The following STATH variants were observed in gnomAD, a reference collection of about 807,000 sequenced individuals.
STATH encodes the protein statherin.
In STATH, 11 loss-of-function variants were observed where a neutral mutation model predicts 13.3. The observed-to-expected ratio is 0.83, with a 90% CI of 0.52 to 1.37. STATH has a LOEUF of 1.37. Among genes scored for constraint, STATH ranks in the 40% most tolerant of loss-of-function variants. The pLI is 0.00. For synonymous variants in STATH, 25 were observed against 23.6 expected, an observed-to-expected ratio of 1.06 and a Z score of -0.17; for missense variants, 78 against 73.3, an observed-to-expected ratio of 1.06 and a Z score of -0.24.
At chr4:69,999,744 G>T in intron 3 of STATH, 36 bp from the exon 4 acceptor site, 1 of 1,611,450 alleles carries the variant, frequency 6.2e-7, no homozygotes, top group Non-Finnish European at 8.5e-7. Flanking sequence ...CCCTACATTT[G>T]TATTGAATTA....
chr4:69,999,482 A>G (rs752115147), intron 2 of STATH, among the ~76,000 whole-genome samples, 185 bp from the exon 3 acceptor site: 3 of 151,920 alleles, frequency 2.0e-5, no homozygotes, highest in Non-Finnish European at 4.4e-5. Flanking sequence ...CACACTAATT[A>G]CAGAAAAGCA....
intron 4 of STATH, chr4:70,000,263 A>G (rs1217161678): frequency 6.1e-6 from 1 of 164,522 alleles, no homozygotes; most frequent in African/African-American, 2.4e-5. Flanking sequence ...CATTTTTCTT[A>G]ATGTATGTAT....
Position 70,000,421 on chromosome 4 carries a change from A to G in STATH, c.103-442A>G, listed in dbSNP as rs575724569. On this transcript the variant is annotated intron_variant, in intron 4 of 5. Coordinates refer to ENST00000246895, the MANE Select transcript of STATH (RefSeq NM_003154.3). The stretch of plus-strand genomic sequence containing the variant: ...GATGGTTATTTGTGTTAACAGAAGG[A>G]AGAAGTATTAAGGAATGTAGGAATC... 3.7e-5 allele frequency: 6 copies of G among 162,944 alleles called. No individual in the cohort carries two copies. The South Asian group carries it at 8.1e-4, about 22-fold the overall frequency. The allele number at this position is 162,944 out of a possible 1,614,324, so 10.1% of individuals were successfully genotyped here. A position where few individuals can be genotyped will look rare whatever the true frequency, so the allele number is the denominator to read the frequency against.
rs1560413551 is a variant in STATH at position 69,998,410 on chromosome 4, CAT to C, written c.-15-10_-15-9del. On this transcript the variant is annotated splice_polypyrimidine_tract_variant and intron_variant, in intron 1 of 5. Transcript: ENST00000246895. The stretch of plus-strand genomic sequence containing the variant: ...GAAAAAATGTGATACTGAATTTCCA[CAT>C]ATGTTTTCAGAGAACCCAGCCAACT... 3.7e-6 allele frequency: 6 copies of C among 1,605,158 alleles called. No individual in the cohort carries two copies. In the East Asian group the frequency reaches 8.9e-5, roughly 24 times the overall value.
intron 5 of STATH, 61 bp downstream of exon 5, chr4:70,001,043 G>A: frequency 5.7e-6 from 7 of 1,222,958 alleles, no homozygotes; most frequent in Admixed American, 3.6e-5. Context: ...GTTAAAAGAA[G>A]AAAAACAAAA....
intron 4 of STATH, 29 bp downstream of exon 4, chr4:69,999,838 T>G: frequency 6.2e-7 from 1 of 1,609,392 alleles, no homozygotes; most frequent in Non-Finnish European, 8.5e-7. Flanking sequence ...TGCTGTGTAG[T>G]CCAAATAAAT....
chr4:69,996,653 T>A (rs1204325258), intron 1 of STATH, among the ~76,000 whole-genome samples: 1 of 152,016 alleles, frequency 6.6e-6, no homozygotes. Flanking sequence ...TATTTTTCAT[T>A]GGGGAAATAT....
intron 1 of STATH, 120 bp from the exon 2 acceptor site, chr4:69,998,303 T>C (rs1328365598): frequency 2.9e-6 from 2 of 678,700 alleles, no homozygotes; most frequent in Non-Finnish European, 5.0e-6. Flanking sequence ...GCAATGGGTT[T>C]TAATTGTCTT....
intron 1 of STATH, among the ~76,000 whole-genome samples, chr4:69,997,125 T>C (rs1724528989): frequency 6.6e-6 from 1 of 151,806 alleles, no homozygotes; most frequent in Non-Finnish European, 1.5e-5. Flanking sequence ...TTATTATTTT[T>C]AGTAGAGACG....
At position 70,000,233 on chromosome 4, in the gene STATH, A is replaced by T. The variant is rs562409848; in HGVS notation, c.102+424A>T. 9.8e-4 allele frequency: 164 copies of T among 167,056 alleles called. No individual in the cohort carries two copies. The Middle Eastern group carries it at 0.024, about 25-fold the overall frequency. 10.3% of individuals were successfully genotyped at this position (167,056 alleles called of 1,614,324 possible). A position where few individuals can be genotyped will look rare whatever the true frequency, so the allele number is the denominator to read the frequency against. The stretch of plus-strand genomic sequence containing the variant: ...TTAAACAGGTCATGATAAATGAGAT[A>T]GCAAATTTCATTTATTTAACATTTT... On this transcript the variant is annotated intron_variant, in intron 4 of 5. Transcript: ENST00000246895.
chr4:69,996,444 C>CT (rs1044833291), intron 1 of STATH, among the ~76,000 whole-genome samples: 2 of 152,010 alleles, frequency 1.3e-5, no homozygotes, highest in African/African-American at 4.8e-5. Flanking sequence ...TAAAAATTTA[C>CT]TTTTTTCCCA....
intron 1 of STATH, among the ~76,000 whole-genome samples, chr4:69,998,039 A>G (rs896772713): frequency 6.6e-6 from 1 of 152,028 alleles, no homozygotes; most frequent in Non-Finnish European, 1.5e-5. Flanking sequence ...TCTTCCCTAC[A>G]TTTTGAACTG....
At chr4:69,996,420 A>G (rs1404736740) in intron 1 of STATH, among the ~76,000 whole-genome samples, 10 of 152,168 alleles carry the variant, frequency 6.6e-5, no homozygotes, top group Non-Finnish European at 1.5e-4. Context: ...ATATTGTTTC[A>G]CAAGTTTAAC....
rs550543808 is a variant in STATH at position 69,998,421 on chromosome 4, A to G, written c.-15-2A>G. 2.5e-6 allele frequency: 4 copies of G among 1,609,032 alleles called. No individual in the cohort carries two copies. The South Asian group carries it at 4.4e-5, about 18-fold the overall frequency. ...ATACTGAATTTCCACATATGTTTTCAGAGAACCCAGCCAACTATGAAGTTC... is the reference window on the plus strand; with the variant it reads ...ATACTGAATTTCCACATATGTTTTCGGAGAACCCAGCCAACTATGAAGTTC... On this transcript the variant is annotated splice_acceptor_variant, in intron 1 of 5. Transcript: ENST00000246895. LOFTEE classifies it low-confidence loss of function (5UTR_SPLICE).
intron 5 of STATH, 22 bp from the exon 6 acceptor site, chr4:70,002,167 T>A (rs1218380480): frequency 6.6e-6 from 1 of 150,520 alleles, no homozygotes; most frequent in Non-Finnish European, 1.5e-5. Context: ...AGATAATCTG[T>A]TATTTTTTTT....
At chr4:70,002,074 C>A (rs1352621181) in intron 5 of STATH, 115 bp from the exon 6 acceptor site, 1 of 151,548 alleles carries the variant, frequency 6.6e-6, no homozygotes, top group Non-Finnish European at 1.5e-5. Context: ...TTGGGCCCTG[C>A]ATTTTATAAA....
chr4:69,999,775 C>CA lies in STATH; in HGVS notation c.73-4dup. On this transcript the variant is annotated splice_region_variant and splice_polypyrimidine_tract_variant and intron_variant, in intron 3 of 5. Transcript: ENST00000246895. ...AATTATTAAACTTTTCTTCATTTTT[C>CA]ACAGAAATTTTTGCGTAGAATTGGA... 1 of 1,611,980 alleles carries CA rather than the reference C, an allele frequency of 6.2e-7. No individual in the cohort carries two copies. The highest frequency in any genetic ancestry group is 8.5e-7 in the Non-Finnish European group (1 of 1,178,882).
chr4:69,996,384 A>G (rs919709996), intron 1 of STATH, among the ~76,000 whole-genome samples: 1 of 152,204 alleles, frequency 6.6e-6, no homozygotes, highest in Non-Finnish European at 1.5e-5. Context: ...AGAAAATAGC[A>G]TACGTTCTCT....
chr4:69,996,361 A>G (rs1167071694), intron 1 of STATH, among the ~76,000 whole-genome samples: 1 of 152,120 alleles, frequency 6.6e-6, no homozygotes, highest in Admixed American at 6.6e-5. Context: ...CTTTATTCGA[A>G]GTTCATATTT....
Sources: gnomAD v4.1 joint callset for allele counts (sites outside exome capture counted in the v4.1 genomes callset) on GRCh38, gnomAD v4.1.1 for gene constraint, MANE v1.5 for transcripts, NCBI Gene and HGNC (gene_info 2026-07-23, HGNC 2026-07-21) for gene names.